DTNB: variants seen among roughly 807,000 people sequenced by gnomAD.
DTNB encodes dystrobrevin beta, also known as DTN-B.
A neutral mutation model predicts 90.7 loss-of-function variants in DTNB; 63 were observed. The observed-to-expected ratio is 0.69, with a 90% CI of 0.57 to 0.86. The LOEUF is 0.86. Among genes scored for constraint, DTNB ranks in the 40% least tolerant of loss-of-function variants. The pLI is 0.00. For synonymous variants in DTNB, 277 were observed against 286.7 expected (o/e 0.97, Z 0.34); for missense variants, 744 against 807.1 (o/e 0.92, Z 0.95).
intron 9 of DTNB, among the ~76,000 whole-genome samples, chr2:25,516,430 T>C (rs2075135151): frequency 6.6e-6 from 1 of 151,992 alleles, no homozygotes; most frequent in Non-Finnish European, 1.5e-5. Context: ...TGTATCTTTT[T>C]TAAGTAGAGA....
intron 8 of DTNB, among the ~76,000 whole-genome samples, chr2:25,550,930 G>A (rs1452052326): frequency 2.0e-5 from 3 of 152,068 alleles, no homozygotes; most frequent in Non-Finnish European, 2.9e-5. Flanking sequence ...GATTATAGGC[G>A]TGAGCCACAG....
chr2:25,429,419 C>T (rs975105255), intron 14 of DTNB, among the ~76,000 whole-genome samples: 8 of 152,070 alleles, frequency 5.3e-5, no homozygotes, highest in African/African-American at 1.9e-4. Flanking sequence ...GTCTGGACCT[C>T]CAGCTTACGG....
intron 1 of DTNB, among the ~76,000 whole-genome samples, chr2:25,663,541 A>C (rs1208388958): frequency 6.6e-6 from 1 of 152,074 alleles, no homozygotes; most frequent in East Asian, 1.9e-4. Flanking sequence ...TATATGTACT[A>C]TTTCTTTATA....
intron 8 of DTNB, among the ~76,000 whole-genome samples, chr2:25,566,786 A>G (rs538576173): frequency 1.5e-4 from 23 of 152,358 alleles, no homozygotes; most frequent in Middle Eastern, 3.4e-3. Context: ...CCAAATTTCA[A>G]TGGAGACAGG....
At chr2:25,390,222 C>T (rs1181504286) in intron 16 of DTNB, among the ~76,000 whole-genome samples, 2 of 152,126 alleles carry the variant, frequency 1.3e-5, no homozygotes, top group African/African-American at 4.8e-5. Context: ...ACTTAGCATG[C>T]TTTCTGAGAT....
At chr2:25,593,530 T>C (rs2063962897) in intron 6 of DTNB, among the ~76,000 whole-genome samples, 1 of 152,224 alleles carries the variant, frequency 6.6e-6, no homozygotes, top group South Asian at 2.1e-4. Context: ...AACATTTTCA[T>C]GGACTGAGAT....
intron 8 of DTNB, among the ~76,000 whole-genome samples, chr2:25,573,436 T>G (rs1435113598): frequency 1.3e-5 from 2 of 152,212 alleles, no homozygotes; most frequent in Non-Finnish European, 2.9e-5. Context: ...ACTAGGACTT[T>G]GTGGCTTAAA....
At chr2:25,572,666 T>G (rs1572773601) in intron 8 of DTNB, among the ~76,000 whole-genome samples, 2 of 151,770 alleles carry the variant, frequency 1.3e-5, no homozygotes, top group Middle Eastern at 6.8e-3. Context: ...TTTTGTTTTT[T>G]TTTTTTTAAA....
At chr2:25,434,209 C>CA (rs1275781739) in intron 12 of DTNB, among the ~76,000 whole-genome samples, 1 of 152,000 alleles carries the variant, frequency 6.6e-6, no homozygotes, top group African/African-American at 2.4e-5. Flanking sequence ...TCCATCACCG[C>CA]AAAAAATTCC....
At chr2:25,632,418 A>C (rs968131039) in intron 3 of DTNB, among the ~76,000 whole-genome samples, 7 of 152,198 alleles carry the variant, frequency 4.6e-5, no homozygotes, top group African/African-American at 1.2e-4. Context: ...TCATGGTTTG[A>C]ATATTTGTCC....
intron 3 of DTNB, among the ~76,000 whole-genome samples, chr2:25,633,806 G>A (rs1038363488): frequency 4.0e-5 from 6 of 150,104 alleles, no homozygotes; most frequent in African/African-American, 1.5e-4. Flanking sequence ...GAGATGTGGG[G>A]AGCGCCTCTG....
At chr2:25,543,313 GTTTT>G (rs11400422) in intron 8 of DTNB, among the ~76,000 whole-genome samples, 1 of 146,862 alleles carries the variant, frequency 6.8e-6, no homozygotes, top group South Asian at 2.2e-4. Flanking sequence ...TTTGTTTTTT[GTTTT>G]TTTTTTGAGA....
chr2:25,655,606 A>G (rs1259194911), intron 1 of DTNB, among the ~76,000 whole-genome samples: 7 of 152,240 alleles, frequency 4.6e-5, no homozygotes, highest in Non-Finnish European at 1.0e-4. Flanking sequence ...ATCTGGAGCC[A>G]GTCCTAACAT....
intron 9 of DTNB, among the ~76,000 whole-genome samples, chr2:25,483,146 C>T (rs1218967525): frequency 6.6e-6 from 1 of 152,170 alleles, no homozygotes; most frequent in Non-Finnish European, 1.5e-5. Flanking sequence ...GCCACAGGGC[C>T]ACTGAGCTGT....
intron 10 of DTNB, among the ~76,000 whole-genome samples, chr2:25,459,247 T>G (rs2060547529): frequency 6.6e-6 from 1 of 152,116 alleles, no homozygotes; most frequent in African/African-American, 2.4e-5. Flanking sequence ...TTTTTCTCCC[T>G]CTCGTCTGTT....
chr2:25,607,881 C>T (rs1296971423), intron 4 of DTNB, among the ~76,000 whole-genome samples: 1 of 152,154 alleles, frequency 6.6e-6, no homozygotes, highest in East Asian at 1.9e-4. Flanking sequence ...TCTAATACAC[C>T]ACTGTAAGAA....
At chr2:25,443,063 G>A (rs1331369550) in intron 12 of DTNB, among the ~76,000 whole-genome samples, 4 of 152,184 alleles carry the variant, frequency 2.6e-5, no homozygotes, top group Admixed American at 2.0e-4. Context: ...GAGACAAAAG[G>A]TGAGAGATCA....
chr2:25,379,347 A>C (rs554904685), intron 19 of DTNB, 24 bp from the exon 20 acceptor site: 1 of 1,313,508 alleles, frequency 7.6e-7, no homozygotes, highest in South Asian at 3.1e-5. Flanking sequence ...GGCAGAAACA[A>C]CACACTGAGG....
intron 8 of DTNB, among the ~76,000 whole-genome samples, chr2:25,547,800 T>A (rs988059547): frequency 2.0e-5 from 3 of 152,238 alleles, no homozygotes; most frequent in Non-Finnish European, 2.9e-5. Flanking sequence ...TGATGCTTTC[T>A]TTGGAATGTA....
Sources: gnomAD v4.1 joint callset for allele counts (sites outside exome capture counted in the v4.1 genomes callset) on GRCh38, gnomAD v4.1.1 for gene constraint, MANE v1.5 for transcripts, NCBI Gene and HGNC (gene_info 2026-07-23, HGNC 2026-07-21) for gene names.